Variants in EPHB1 observed in about 807,000 individuals in gnomAD.
The protein encoded by EPHB1 is ephrin type-B receptor 1.
Under a neutral mutation model 94.4 loss-of-function variants are expected in EPHB1, and 30 were observed. The observed-to-expected ratio is 0.32, with a 90% CI of 0.24 to 0.43. EPHB1 has a LOEUF of 0.43. EPHB1 is among the 20% of genes least tolerant of loss of function. The pLI, the probability that EPHB1 is intolerant of heterozygous loss-of-function variation, is 1.00. For missense variants in EPHB1, 1,055 were observed against 1,308.3 expected (o/e 0.81, Z 2.99); for synonymous variants, 522 against 489.1 (o/e 1.07, Z -0.89).
At chr3:134,990,960 T>C (rs893719161) in intron 3 of EPHB1, among the ~76,000 whole-genome samples, 1 of 152,244 alleles carries the variant, frequency 6.6e-6, no homozygotes, top group African/African-American at 2.4e-5. Context: ...CTTTTGGAAG[T>C]TAAATCCTTA....
intron 4 of EPHB1, among the ~76,000 whole-genome samples, chr3:135,111,024 G>T (rs958513658): frequency 6.6e-6 from 1 of 152,136 alleles, no homozygotes; most frequent in African/African-American, 2.4e-5. Context: ...AAATGGCTTT[G>T]GTATGACAGA....
At chr3:134,944,694 G>T (rs566732670) in intron 2 of EPHB1, among the ~76,000 whole-genome samples, 1 of 152,250 alleles carries the variant, frequency 6.6e-6, no homozygotes. Flanking sequence ...TAGGTTTTCT[G>T]GATATGAATA....
intron 3 of EPHB1, among the ~76,000 whole-genome samples, chr3:134,970,284 T>A (rs1933917004): frequency 6.6e-6 from 1 of 152,260 alleles, no homozygotes; most frequent in African/African-American, 2.4e-5. Flanking sequence ...AGTTAATTTT[T>A]GTTTAAGGCA....
intron 2 of EPHB1, among the ~76,000 whole-genome samples, chr3:134,936,424 G>A (rs2400398): frequency 0.11 from 17,011 of 152,126 alleles, 1,285 homozygotes; most frequent in Non-Finnish European, 0.16. Flanking sequence ...AGTGATGGAG[G>A]AGCCCAAGAG....
intron 3 of EPHB1, among the ~76,000 whole-genome samples, chr3:134,973,338 G>C (rs1934052188): frequency 1.3e-5 from 2 of 151,980 alleles, no homozygotes; most frequent in South Asian, 4.2e-4. Context: ...GCTCAGCCTG[G>C]AAGAGATGCC....
intron 3 of EPHB1, among the ~76,000 whole-genome samples, chr3:135,006,886 T>A (rs1044123968): frequency 6.6e-6 from 1 of 152,186 alleles, no homozygotes; most frequent in Non-Finnish European, 1.5e-5. Flanking sequence ...GGTTGACCAT[T>A]AGCTAGTATC....
At chr3:135,217,415 C>T (rs1489553781) in intron 12 of EPHB1, among the ~76,000 whole-genome samples, 1 of 142,432 alleles carries the variant, frequency 7.0e-6, no homozygotes, top group Non-Finnish European at 1.5e-5. Context: ...TGAATAACTC[C>T]CATCAGTACC....
intron 3 of EPHB1, among the ~76,000 whole-genome samples, chr3:134,981,841 T>C (rs1439511677): frequency 1.3e-5 from 2 of 152,250 alleles, no homozygotes; most frequent in East Asian, 1.9e-4. Flanking sequence ...AGCTGGACTC[T>C]CCATGAAGAC....
At position 135,106,463 on chromosome 3, in the gene EPHB1, C is replaced by T. The variant is rs2107798973; in HGVS notation, c.821C>T (p.Thr274Ile). Residue 274 changes from threonine (T) to isoleucine (I), a missense_variant, in exon 4 of 16, where the codon ACA becomes ATA. Physicochemically the swap from Thr to Ile is moderately conservative, Grantham distance 89. Transcript: ENST00000398015. ...TGTGTTCTAGCTTGCCCTGCAGGGA[C>T]ATTCAAGGCCAGCCAGGAAGCTGAA... The part of the protein sequence containing the change: ...SVACKACPAG[T>I]FKASQEAEGC... The T allele has an allele frequency of 1.2e-6, 2 of 1,613,998 alleles. No individual in the cohort carries two copies. The highest frequency in any genetic ancestry group is 8.5e-7 in the Non-Finnish European group (1 of 1,179,892).
At chr3:134,881,493 C>G (rs974153519) in intron 1 of EPHB1, among the ~76,000 whole-genome samples, 2 of 152,132 alleles carry the variant, frequency 1.3e-5, no homozygotes, top group Admixed American at 1.3e-4. Flanking sequence ...GCCGCCTCAC[C>G]TGGGGCCCCA....
At chr3:135,166,586 A>C (rs963736111) in intron 8 of EPHB1, among the ~76,000 whole-genome samples, 10 of 152,212 alleles carry the variant, frequency 6.6e-5, no homozygotes, top group African/African-American at 2.4e-4. Context: ...AGATTCTGTC[A>C]CGCAAAGCCC....
At chr3:134,947,275 C>T (rs926444876) in intron 2 of EPHB1, among the ~76,000 whole-genome samples, 3 of 152,098 alleles carry the variant, frequency 2.0e-5, no homozygotes, top group Non-Finnish European at 4.4e-5. Flanking sequence ...GTTGGGAATG[C>T]CATTCTACCC....
chr3:135,137,309 TG>T (rs1940656503), intron 5 of EPHB1, among the ~76,000 whole-genome samples: 1 of 152,218 alleles, frequency 6.6e-6, no homozygotes, highest in Admixed American at 6.5e-5. Context: ...AAGAGTTGCA[TG>T]CCCAGCACTG....
intron 2 of EPHB1, among the ~76,000 whole-genome samples, chr3:134,938,663 T>G (rs1273583757): frequency 1.3e-5 from 2 of 152,092 alleles, no homozygotes; most frequent in Non-Finnish European, 2.9e-5. Context: ...TGATGTGCAC[T>G]CAGAGAGAGG....
intron 1 of EPHB1, among the ~76,000 whole-genome samples, chr3:134,851,704 A>G (rs891018463): frequency 2.0e-5 from 3 of 152,062 alleles, no homozygotes; most frequent in Admixed American, 1.3e-4. Flanking sequence ...GTTTTTTCCT[A>G]TCTTTGAGTT....
At chr3:135,042,438 G>A (rs957739449) in intron 3 of EPHB1, among the ~76,000 whole-genome samples, 3 of 152,064 alleles carry the variant, frequency 2.0e-5, no homozygotes, top group Admixed American at 2.0e-4. Flanking sequence ...GTATTTTAGT[G>A]TAAGTATGAC....
chr3:134,829,699 A>G (rs1318149971), intron 1 of EPHB1, among the ~76,000 whole-genome samples: 1 of 152,168 alleles, frequency 6.6e-6, no homozygotes, highest in Non-Finnish European at 1.5e-5. Context: ...ACGTGCCCTT[A>G]TTTGGAAATA....
chr3:135,186,662 T>C (rs1255258915), intron 10 of EPHB1, among the ~76,000 whole-genome samples: 3 of 152,216 alleles, frequency 2.0e-5, no homozygotes, highest in Non-Finnish European at 4.4e-5. Context: ...AAATACCTGC[T>C]GGCAGGTGAA....
At chr3:135,124,742 G>A (rs1880531) in intron 4 of EPHB1, among the ~76,000 whole-genome samples, 28,508 of 151,588 alleles carry the variant, frequency 0.19, 3,719 homozygotes, top group East Asian at 0.6. Context: ...TTCAAAGGTG[G>A]TATAAAATTT....
Sources: allele counts gnomAD v4.1 joint callset (sites outside exome capture counted in the v4.1 genomes callset), GRCh38; gene constraint gnomAD v4.1.1; transcripts MANE v1.5; gene names NCBI Gene and HGNC (gene_info 2026-07-23, HGNC 2026-07-21).